The following GLI2 variants were observed in gnomAD, a reference collection of about 807,000 sequenced individuals.
GLI2 encodes the protein GLI family zinc finger 2, also known as transcription activator GLI2.
GLI2 carries 22 observed loss-of-function variants against 78.9 expected under a neutral mutation model. The observed-to-expected ratio is 0.28, with a 90% CI of 0.20 to 0.40. The LOEUF is 0.40. Among genes scored for constraint, GLI2 ranks in the 10% least tolerant of loss-of-function variants. GLI2 has a pLI of 1.00. For synonymous variants in GLI2, 974 were observed against 963.7 expected (o/e 1.01, Z -0.20); for missense variants, 2,097 against 2,213.2 (o/e 0.95, Z 1.05).
chr2:120,923,062 C>A (rs1679461026), intron 2 of GLI2, among the ~76,000 whole-genome samples: 3 of 152,054 alleles, frequency 2.0e-5, no homozygotes, highest in Non-Finnish European at 4.4e-5. Flanking sequence ...GCAATACACA[C>A]ATATGGCACA....
intron 1 of GLI2, among the ~76,000 whole-genome samples, chr2:120,756,852 C>T (rs1453189181): frequency 6.6e-6 from 1 of 152,088 alleles, no homozygotes; most frequent in African/African-American, 2.4e-5. Context: ...TCTTCCTATC[C>T]TCTATGTTCT....
intron 2 of GLI2, among the ~76,000 whole-genome samples, chr2:120,824,012 G>A (rs1054568496): frequency 9.9e-5 from 15 of 152,190 alleles, no homozygotes; most frequent in African/African-American, 3.6e-4. Flanking sequence ...GGAATTCTAT[G>A]GTGAATTAAC....
intron 3 of GLI2, among the ~76,000 whole-genome samples, chr2:120,937,942 A>T (rs976308591): frequency 6.6e-6 from 1 of 152,126 alleles, no homozygotes; most frequent in Admixed American, 6.5e-5. Flanking sequence ...AGTGAAATAT[A>T]ATGAAATCTC....
rs71424364 is a variant in GLI2, at chr2:120,924,293, G to A, written c.149-3068G>A. On this transcript the variant is annotated intron_variant, in intron 2 of 13. Transcript: ENST00000361492. ...CTAAAGTACATAGCAAGGTGGGGAC[G>A]TGGTGGGTCGATGGGGGTCTGGGAT... is the stretch of plus-strand genomic sequence containing the variant. Among the ~76,000 whole-genome samples, 13 of 152,310 alleles carry A rather than the reference G, an allele frequency of 8.5e-5. No homozygotes were observed. The South Asian group carries it at 2.3e-3, about 27-fold the overall frequency.
rs759642643 is a variant in GLI2, at chr2:120,946,159, C to T, written c.255-5084C>T. ...AGAGAATCACTCCTCTGCTGGAGCC[C>T]TTATCATACTGCCTGGTAATTACCT... On this transcript the variant is annotated intron_variant, in intron 3 of 13. Transcript: ENST00000361492. Among the ~76,000 whole-genome samples, 16 of 152,306 alleles carry T rather than the reference C, an allele frequency of 1.1e-4. 1 individual carries two copies. Among genetic ancestry groups the T allele is most frequent in the Middle Eastern group, 3.4e-3 (1 of 292 alleles).
intron 2 of GLI2, among the ~76,000 whole-genome samples, chr2:120,904,897 A>C (rs1678444936): frequency 6.6e-6 from 1 of 152,128 alleles, no homozygotes; most frequent in Admixed American, 6.5e-5. Context: ...GAGAGAAGGG[A>C]GGGAGTTTGG....
intron 5 of GLI2, among the ~76,000 whole-genome samples, chr2:120,966,574 C>G (rs1681868530): frequency 6.6e-6 from 1 of 152,232 alleles, no homozygotes; most frequent in Non-Finnish European, 1.5e-5. Context: ...GTCCTCTGTC[C>G]TCTCTATGCC....
intron 3 of GLI2, among the ~76,000 whole-genome samples, chr2:120,950,839 T>C (rs1008590477): frequency 6.6e-6 from 1 of 152,228 alleles, no homozygotes; most frequent in Non-Finnish European, 1.5e-5. Flanking sequence ...GTGGTATTCG[T>C]ATTTTCATAT....
intron 1 of GLI2, among the ~76,000 whole-genome samples, chr2:120,781,639 T>G (rs1487921409): frequency 6.6e-6 from 1 of 152,188 alleles, no homozygotes; most frequent in Non-Finnish European, 1.5e-5. Flanking sequence ...TCCCAGCACT[T>G]TGGGAGGCCG....
At chr2:120,772,093 C>T (rs111829187) in intron 1 of GLI2, among the ~76,000 whole-genome samples, 692 of 152,230 alleles carry the variant, frequency 4.5e-3, no homozygotes, top group Middle Eastern at 0.014. Context: ...TGGGTTTTGT[C>T]TCTGTGCTAG....
chr2:120,742,731 C>T (rs1188928751), intron 1 of GLI2, among the ~76,000 whole-genome samples: 2 of 149,498 alleles, frequency 1.3e-5, no homozygotes, highest in Non-Finnish European at 3.0e-5. Flanking sequence ...TGAGCACGTA[C>T]ATCATGTCAA....
At chr2:120,944,823 A>T (rs1217961329) in intron 3 of GLI2, among the ~76,000 whole-genome samples, 1 of 152,186 alleles carries the variant, frequency 6.6e-6, no homozygotes, top group Non-Finnish European at 1.5e-5. Flanking sequence ...GGCTTGCTGG[A>T]TGTATTGCAC....
intron 3 of GLI2, among the ~76,000 whole-genome samples, chr2:120,950,453 G>A (rs1391761030): frequency 6.6e-6 from 1 of 152,084 alleles, no homozygotes; most frequent in Non-Finnish European, 1.5e-5. Context: ...CTGACATAAG[G>A]GCCTGAGGTC....
chr2:120,753,791 G>A (rs192320104), intron 1 of GLI2, among the ~76,000 whole-genome samples: 408 of 151,972 alleles, frequency 2.7e-3, no homozygotes, highest in African/African-American at 9.5e-3. Context: ...TTGGCTACTC[G>A]GGAGGCCGAG....
At chr2:120,910,557 G>A (rs1370275816) in intron 2 of GLI2, among the ~76,000 whole-genome samples, 1 of 152,216 alleles carries the variant, frequency 6.6e-6, no homozygotes, top group African/African-American at 2.4e-5. Flanking sequence ...AATCACTCTT[G>A]GGGACCCGGG....
intron 1 of GLI2, 58 bp from the exon 2 acceptor site, chr2:120,797,233 G>T: frequency 7.4e-7 from 1 of 1,351,114 alleles, no homozygotes; most frequent in South Asian, 1.2e-5. Flanking sequence ...ATCTGGGTCG[G>T]CGTTTCCCGG....
At chr2:120,920,302 A>C (rs1679305483) in intron 2 of GLI2, among the ~76,000 whole-genome samples, 1 of 152,242 alleles carries the variant, frequency 6.6e-6, no homozygotes, top group Non-Finnish European at 1.5e-5. Flanking sequence ...TTGTGGCAAC[A>C]CATGACTTCA....
chr2:120,979,109 C>T (rs1456152711), intron 10 of GLI2, among the ~76,000 whole-genome samples: 1 of 152,172 alleles, frequency 6.6e-6, no homozygotes, highest in African/African-American at 2.4e-5. Flanking sequence ...TCCTGAGTAG[C>T]TGGGACTACA....
Position 120,759,839 on chromosome 2 carries a change from T to C in GLI2, c.-31+23554T>C, listed in dbSNP as rs558431308. ...TTCCATCCTGAAACTACCTAGGGCCTACCTAGTTACAGTCAACTCATCAGC... is the reference window on the plus strand; with the variant it reads ...TTCCATCCTGAAACTACCTAGGGCCCACCTAGTTACAGTCAACTCATCAGC... On this transcript the variant is annotated intron_variant, in intron 1 of 13. Coordinates refer to ENST00000361492, the MANE Select transcript of GLI2 (RefSeq NM_001374353.1). Among the ~76,000 whole-genome samples, 4 of 152,338 alleles carry C rather than the reference T, an allele frequency of 2.6e-5. No homozygotes were observed. In the South Asian group the frequency reaches 8.3e-4, roughly 32 times the overall value.
Sources: allele counts gnomAD v4.1 joint callset (sites outside exome capture counted in the v4.1 genomes callset), GRCh38; gene constraint gnomAD v4.1.1; transcripts MANE v1.5; gene names NCBI Gene and HGNC (gene_info 2026-07-23, HGNC 2026-07-21).